DPH6: variants seen among roughly 807,000 people sequenced by gnomAD.
DPH6 encodes the protein diphthamine biosynthesis 6.
Under a neutral mutation model 38.2 loss-of-function variants are expected in DPH6, and 33 were observed. The ratio of observed to expected loss-of-function variants is 0.86; its 90% CI spans 0.65 to 1.15. The LOEUF (loss-of-function observed/expected upper bound fraction) is 1.15, where lower values mean the gene tolerates loss of function less well. DPH6 is among the 50% of genes most tolerant of loss of function. DPH6 has a pLI of 0.00. For synonymous variants in DPH6, 108 were observed against 103.0 expected (o/e 1.05, Z -0.30); for missense variants, 325 against 320.0 (o/e 1.02, Z -0.12).
chr15:35,174,201 G>A, the DPH6 span, among the ~76,000 whole-genome samples: 1 of 152,118 alleles, frequency 6.6e-6, no homozygotes, highest in Non-Finnish European at 1.5e-5. Context: ...GGGAAGCAAA[G>A]AAATGCCAAC....
intron 3 of DPH6, among the ~76,000 whole-genome samples, chr15:35,359,266 G>A (rs1355316823): frequency 6.6e-6 from 1 of 152,118 alleles, no homozygotes; most frequent in Non-Finnish European, 1.5e-5. Flanking sequence ...TTTCTAGGCA[G>A]AGAGCAATAC....
chr15:35,484,719 C>G (rs574674702), intron 3 of DPH6, among the ~76,000 whole-genome samples: 1 of 152,112 alleles, frequency 6.6e-6, no homozygotes, highest in African/African-American at 2.4e-5. Context: ...CTGTAAGTCT[C>G]GGGTCTAGCC....
intron 5 of DPH6, among the ~76,000 whole-genome samples, chr15:35,416,438 A>C (rs1448126856): frequency 6.6e-6 from 1 of 152,068 alleles, no homozygotes; most frequent in Non-Finnish European, 1.5e-5. Context: ...TTCCTATATC[A>C]TGAGGTGATA....
At chr15:35,147,658 C>T in the DPH6 span, among the ~76,000 whole-genome samples, 4 of 152,188 alleles carry the variant, frequency 2.6e-5, no homozygotes, top group Admixed American at 1.3e-4. Flanking sequence ...ATCAGAAATA[C>T]AGGTAACTTA....
intron 3 of DPH6, among the ~76,000 whole-genome samples, chr15:35,529,345 T>G (rs1211240718): frequency 6.6e-6 from 1 of 151,970 alleles, no homozygotes; most frequent in Non-Finnish European, 1.5e-5. Flanking sequence ...GCTAAACACT[T>G]TCAAACAACA....
At chr15:35,329,434 C>A (rs1204298540), downstream of DPH6, among the ~76,000 whole-genome samples, 1 of 152,046 alleles carries the variant, frequency 6.6e-6, no homozygotes, top group African/African-American at 2.4e-5. Flanking sequence ...ATTATTTAAG[C>A]TTAGTTGTGA....
intron 1 of DPH6, among the ~76,000 whole-genome samples, chr15:35,544,698 G>A (rs2055317796): frequency 6.6e-6 from 1 of 152,032 alleles, no homozygotes; most frequent in Non-Finnish European, 1.5e-5. Context: ...TTACGCTTCA[G>A]CAAGAATTTT....
At chr15:35,177,327 C>T in the DPH6 span, among the ~76,000 whole-genome samples, 306 of 152,020 alleles carry the variant, frequency 2.0e-3, no homozygotes, top group African/African-American at 6.5e-3. Context: ...GTAATCTCAG[C>T]ACTTTGGGAG....
the DPH6 span, among the ~76,000 whole-genome samples, chr15:35,207,038 CTTTTT>C: frequency 5.7e-3 from 424 of 74,076 alleles, 2 homozygotes; most frequent in African/African-American, 0.019. Flanking sequence ...TTTAGTAAAG[CTTTTT>C]TTTTTTTTTT....
chr15:35,227,592 A>G (rs1013334817), intron 3 of DPH6, among the ~76,000 whole-genome samples: 1 of 151,188 alleles, frequency 6.6e-6, no homozygotes, highest in African/African-American at 2.4e-5. Flanking sequence ...TTTTTGTTTT[A>G]TTGATCTTTT....
chr15:35,416,142 T>C (rs937954166), intron 5 of DPH6, among the ~76,000 whole-genome samples: 13 of 151,966 alleles, frequency 8.6e-5, no homozygotes, highest in Non-Finnish European at 1.6e-4. Flanking sequence ...GCTGATTAGC[T>C]GGAAAAAAAT....
At chr15:35,397,864 TATATAC>T (rs1348766097) in intron 6 of DPH6, among the ~76,000 whole-genome samples, 1 of 88,598 alleles carries the variant, frequency 1.1e-5, no homozygotes, top group African/African-American at 5.0e-5. Context: ...TCAATTTATA[TATATAC>T]ACACACACAC....
chr15:35,263,209 G>C (rs2051760350), intron 3 of DPH6, among the ~76,000 whole-genome samples: 1 of 151,926 alleles, frequency 6.6e-6, no homozygotes, highest in African/African-American at 2.4e-5. Flanking sequence ...TTCTTCCAGA[G>C]GTCTCAGACA....
chr15:35,489,277 T>C (rs2054445101), intron 3 of DPH6: 1 of 948,654 alleles, frequency 1.1e-6, no homozygotes, highest in African/African-American at 1.8e-5. Flanking sequence ...AAAACCTGTC[T>C]ATTCAAAGAA....
At chr15:35,540,253 T>C (rs1362253370) in intron 2 of DPH6, among the ~76,000 whole-genome samples, 2 of 152,124 alleles carry the variant, frequency 1.3e-5, no homozygotes, top group South Asian at 2.1e-4. Context: ...GGCTCCCCTG[T>C]TGCCTGAAGC....
intron 3 of DPH6, among the ~76,000 whole-genome samples, chr15:35,517,943 A>T (rs960375161): frequency 6.6e-6 from 1 of 152,036 alleles, no homozygotes. Flanking sequence ...GTTTTACTTT[A>T]AAAAAATTAA....
At chr15:35,334,281 G>A (rs541289019) in intron 3 of DPH6, among the ~76,000 whole-genome samples, 3 of 151,932 alleles carry the variant, frequency 2.0e-5, no homozygotes, top group Non-Finnish European at 2.9e-5. Context: ...AATTAAGTTC[G>A]GTTTAAAATA....
intron 6 of DPH6, among the ~76,000 whole-genome samples, chr15:35,384,106 A>T (rs1351203891): frequency 6.6e-6 from 1 of 152,040 alleles, no homozygotes; most frequent in Admixed American, 6.5e-5. Flanking sequence ...TTTATTCCTA[A>T]CCCATCTCAG....
At chr15:35,382,854 G>GAA (rs200446494) in intron 6 of DPH6, among the ~76,000 whole-genome samples, 3 of 145,736 alleles carry the variant, frequency 2.1e-5, no homozygotes, top group African/African-American at 7.5e-5. Context: ...TTAAAAAAAA[G>GAA]AAAAAAAAAA....
Sources: gnomAD v4.1 joint callset for allele counts (sites outside exome capture counted in the v4.1 genomes callset) on GRCh38, gnomAD v4.1.1 for gene constraint, MANE v1.5 for transcripts, NCBI Gene and HGNC (gene_info 2026-07-23, HGNC 2026-07-21) for gene names.